Variants in SPSB1 observed in about 807,000 individuals in gnomAD.
SPSB1 encodes the protein SPRY domain-containing SOCS box protein 1.
Under a neutral mutation model 21.2 loss-of-function variants are expected in SPSB1, and 8 were observed. The ratio of observed to expected loss-of-function variants is 0.38; its 90% CI spans 0.22 to 0.68. SPSB1 has a LOEUF of 0.68. SPSB1 is among the 30% of genes least tolerant of loss of function. The pLI is 0.53. For missense variants in SPSB1, 242 were observed against 377.8 expected (o/e 0.64, Z 2.98); for synonymous variants, 169 against 161.7 (o/e 1.05, Z -0.34).
chr1:9,297,742 G>A (rs1374140320), intron 1 of SPSB1, among the ~76,000 whole-genome samples: 1 of 152,168 alleles, frequency 6.6e-6, no homozygotes, highest in Non-Finnish European at 1.5e-5. Flanking sequence ...GTCTCCTTTG[G>A]TTTAATGTAG....
rs558185138 is a variant in SPSB1 at position 9,293,743 on chromosome 1, C to T, written c.-150+672C>T. 7.8e-4 allele frequency among the ~76,000 whole-genome samples: 119 copies of T among 152,286 alleles called. 1 individual carries two copies. Among genetic ancestry groups the T allele is most frequent in the Non-Finnish European group, 1.5e-3 (99 of 68,014 alleles). ...GCGGGAGGAACCGCGGATGGGTCACCGTCCCCGGGCGTGTACTGGGCTCGG... is the reference window on the plus strand; with the variant it reads ...GCGGGAGGAACCGCGGATGGGTCACTGTCCCCGGGCGTGTACTGGGCTCGG... On this transcript the variant is annotated intron_variant, in intron 1 of 2. Coordinates refer to ENST00000328089, the MANE Select transcript of SPSB1 (RefSeq NM_025106.4). This position sits in a 1 kb window ranked among gnomAD's most constrained non-coding sequence, Gnocchi z 5.1.
At chr1:9,300,649 A>G (rs1195583735) in intron 1 of SPSB1, among the ~76,000 whole-genome samples, 2 of 152,224 alleles carry the variant, frequency 1.3e-5, no homozygotes, top group Non-Finnish European at 2.9e-5. Flanking sequence ...GCTGCCCATC[A>G]TGAAGTGGGT....
Position 9,358,483 on chromosome 1 carries a change from G to A in SPSB1, c.694+1898G>A, listed in dbSNP as rs111381972. On this transcript the variant is annotated intron_variant, in intron 2 of 2. Coordinates refer to ENST00000328089, the MANE Select transcript of SPSB1 (RefSeq NM_025106.4). ...GTCTGTCTCCCTAGGTGTCAGAAAT[G>A]AGTGGCACCACGTCCACAGCCAAAT... Among the ~76,000 whole-genome samples, 1,084 of 152,298 alleles carry A rather than the reference G, an allele frequency of 7.1e-3. 6 individuals carry two copies. The highest frequency in any genetic ancestry group is 0.031 in the Middle Eastern group (9 of 294).
At chr1:9,319,812 T>C (rs954246998) in intron 1 of SPSB1, among the ~76,000 whole-genome samples, 16 of 151,944 alleles carry the variant, frequency 1.1e-4, no homozygotes, top group Non-Finnish European at 2.1e-4. Flanking sequence ...GAGTGAGCCC[T>C]CACATCCACA....
intron 1 of SPSB1, among the ~76,000 whole-genome samples, chr1:9,340,795 A>C (rs1481042818): frequency 6.6e-6 from 1 of 152,268 alleles, no homozygotes; most frequent in African/African-American, 2.4e-5. Flanking sequence ...TTGCAGAGGA[A>C]ATACCTTTCT....
At chr1:9,359,134 G>C (rs955873531) in intron 2 of SPSB1, among the ~76,000 whole-genome samples, 13 of 152,244 alleles carry the variant, frequency 8.5e-5, no homozygotes, top group African/African-American at 2.9e-4. Flanking sequence ...TGACGAGGAT[G>C]CTTTTTCCTC....
chr1:9,303,320 G>C (rs1639364081), intron 1 of SPSB1, among the ~76,000 whole-genome samples: 1 of 152,204 alleles, frequency 6.6e-6, no homozygotes, highest in African/African-American at 2.4e-5. Flanking sequence ...GCCACTTAAA[G>C]AACCACAGCC....
chr1:9,299,251 C>A (rs941079050), intron 1 of SPSB1, among the ~76,000 whole-genome samples: 8 of 152,236 alleles, frequency 5.3e-5, no homozygotes, highest in African/African-American at 1.7e-4. Context: ...GCCGGCAATG[C>A]CCCTTGGCGG....
chr1:9,300,473 G>T (rs1639310142), intron 1 of SPSB1, among the ~76,000 whole-genome samples: 1 of 152,224 alleles, frequency 6.6e-6, no homozygotes. Context: ...CCTTTGGCAG[G>T]CCCCTGTAGA....
At chr1:9,309,301 A>AGAGAGAGAGAGTGT (rs1245605413) in intron 1 of SPSB1, among the ~76,000 whole-genome samples, 2 of 133,134 alleles carry the variant, frequency 1.5e-5, no homozygotes, top group African/African-American at 6.0e-5. Context: ...AGAGAGAGAG[A>AGAGAGAGAGAGTGT]GTGTGTGTGT....
intron 1 of SPSB1, among the ~76,000 whole-genome samples, chr1:9,350,224 A>G (rs1640234424): frequency 6.6e-6 from 1 of 152,250 alleles, no homozygotes; most frequent in Non-Finnish European, 1.5e-5. Context: ...AGGAAGCACC[A>G]GACATTGGAC....
chr1:9,314,853 G>T (rs552656356), intron 1 of SPSB1, among the ~76,000 whole-genome samples: 75 of 152,284 alleles, frequency 4.9e-4, no homozygotes, highest in African/African-American at 1.6e-3. Context: ...GCACAAATGA[G>T]GGAGGCAGCC....
rs969680618 is a variant in SPSB1, at chr1:9,346,647, G to A, written c.-149-9096G>A. ...GGGGGTTGCCGGCAGGTGCTGTGCA[G>A]TCTGGCCTGTCTCAGCCTCCCCCAG... On this transcript the variant is annotated intron_variant, in intron 1 of 2. Transcript: ENST00000328089. This position sits in a 1 kb window ranked among gnomAD's most constrained non-coding sequence, Gnocchi z 4.4. Among the ~76,000 whole-genome samples the A allele has an allele frequency of 1.3e-5, 2 of 152,232 alleles. No individual in the cohort carries two copies. The highest frequency in any genetic ancestry group is 4.8e-5 in the African/African-American group (2 of 41,448).
intron 1 of SPSB1, among the ~76,000 whole-genome samples, chr1:9,327,358 A>G (rs1241436081): frequency 6.6e-6 from 1 of 152,248 alleles, no homozygotes; most frequent in Non-Finnish European, 1.5e-5. Flanking sequence ...TGGCAGATAC[A>G]TGCTTAAAAG....
rs573169342 is a variant in SPSB1 at position 9,324,423 on chromosome 1, C to T, written c.-149-31320C>T. Among the ~76,000 whole-genome samples, 3 of 152,190 alleles carry T rather than the reference C, an allele frequency of 2.0e-5. No individual in the cohort carries two copies. In the East Asian group the frequency reaches 5.8e-4, roughly 29 times the overall value. On this transcript the variant is annotated intron_variant, in intron 1 of 2. Transcript: ENST00000328089. The surrounding 1 kb of genome is among the most constrained non-coding windows in gnomAD (Gnocchi z 4.3). The stretch of plus-strand genomic sequence containing the variant: ...AGTGAGGCTGTGATGAGCGTGGGGG[C>T]GTCTGGTGCCTGGGTGCACATCCCT...
intron 2 of SPSB1, among the ~76,000 whole-genome samples, chr1:9,359,949 A>G (rs560527631): frequency 6.6e-6 from 1 of 152,280 alleles, no homozygotes; most frequent in East Asian, 1.9e-4. Flanking sequence ...GGTGACTTGC[A>G]TTGTTTGGGT....
Position 9,356,113 on chromosome 1 carries a change from C to T in SPSB1, c.222C>T (p.Ile74=), listed in dbSNP as rs1416537135. 1 of 1,604,148 alleles carries T rather than the reference C, an allele frequency of 6.2e-7. No individual in the cohort carries two copies. The change falls in exon 2 of 3, where the codon ATC becomes ATT. Residue 74 remains isoleucine (I), a synonymous_variant. Coordinates refer to ENST00000328089, the MANE Select transcript of SPSB1 (RefSeq NM_025106.4). This position sits in a 1 kb window ranked among gnomAD's most constrained non-coding sequence, Gnocchi z 7.4. ...TTGTGAAGGAGGACGACAAGCTCAT[C>T]TTTCACCGGCATCCGGTGGCCCAGA... The part of the protein sequence containing the change: ...NVFVKEDDKL[I]FHRHPVAQST...
chr1:9,333,328 CTTT>C (rs33924371), intron 1 of SPSB1, among the ~76,000 whole-genome samples: 96 of 126,474 alleles, frequency 7.6e-4, no homozygotes, highest in African/African-American at 1.3e-3. Context: ...TTGTCAGCTT[CTTT>C]TTTTTTTTTT....
Position 9,368,324 on chromosome 1 carries a change from TG to T in SPSB1, c.*752del, listed in dbSNP as rs1029228788. The T allele has an allele frequency of 1.3e-5, 2 of 152,388 alleles. No individual in the cohort carries two copies. Among genetic ancestry groups the T allele is most frequent in the African/African-American group, 4.8e-5 (2 of 41,454 alleles). 9.4% of individuals were successfully genotyped at this position (152,388 alleles called of 1,614,324 possible). On this transcript the variant is annotated 3_prime_UTR_variant, in exon 3 of 3. Coordinates refer to ENST00000328089, the MANE Select transcript of SPSB1 (RefSeq NM_025106.4). ...ATATGTATGCCTCGCCCGCCCTCCCTGGGCACATGTGCACACGTGCCCAGGC... is the reference window on the plus strand; with the variant it reads ...ATATGTATGCCTCGCCCGCCCTCCCTGGCACATGTGCACACGTGCCCAGGC...
Sources: gnomAD v4.1 joint callset for allele counts (sites outside exome capture counted in the v4.1 genomes callset) on GRCh38, gnomAD v4.1.1 for gene constraint, Gnocchi (gnomAD v3.1) non-coding constraint, MANE v1.5 for transcripts, NCBI Gene and HGNC (gene_info 2026-07-23, HGNC 2026-07-21) for gene names.